RIPOR2: variants seen among roughly 807,000 people sequenced by gnomAD.
RIPOR2 encodes the protein RHO family interacting cell polarization regulator 2, also known as rho family-interacting cell polarization regulator 2.
RIPOR2 carries 39 observed loss-of-function variants against 114.5 expected under a neutral mutation model. That is an observed-to-expected ratio of 0.34 (90% CI 0.26 to 0.44). The LOEUF (loss-of-function observed/expected upper bound fraction) is 0.44. Ranked by LOEUF, RIPOR2 falls within the 20% of genes least tolerant of loss-of-function variation. The pLI, the probability that RIPOR2 is intolerant of heterozygous loss-of-function variation, is 1.00. For synonymous variants in RIPOR2, 445 were observed against 484.4 expected (o/e 0.92, Z 1.07); for missense variants, 1,007 against 1,255.1 (o/e 0.80, Z 2.99).
intron 1 of RIPOR2, among the ~76,000 whole-genome samples, chr6:24,994,863 C>T (rs1774980691): frequency 6.6e-6 from 1 of 152,210 alleles, no homozygotes; most frequent in African/African-American, 2.4e-5. Flanking sequence ...TTATCTCTGT[C>T]TCTCTCTTCC....
intron 18 of RIPOR2, among the ~76,000 whole-genome samples, chr6:24,826,768 A>C (rs1581502931): frequency 6.6e-6 from 1 of 152,332 alleles, no homozygotes; most frequent in Non-Finnish European, 1.5e-5. Flanking sequence ...CAAATAAAAA[A>C]CAGGATCAAT....
rs1327733473 is a variant in RIPOR2, at chr6:24,804,605, T to C, written c.*1768A>G. On this transcript the variant is annotated 3_prime_UTR_variant, in exon 22 of 22. Coordinates refer to ENST00000643898, the MANE Select transcript of RIPOR2 (RefSeq NM_001286445.3). ...GTGAAGGATGTATGAATATATATAA[T>C]ATTTATAAATATACAGATATGTACA... 1.3e-5 allele frequency: 2 copies of C among 152,106 alleles called. No individual in the cohort carries two copies. The highest frequency in any genetic ancestry group is 1.5e-5 in the Non-Finnish European group (1 of 68,030). The allele number at this position is 152,106 out of a possible 1,614,324, so 9.4% of individuals were successfully genotyped here. A position where few individuals can be genotyped will look rare whatever the true frequency, so the allele number is the denominator to read the frequency against.
At chr6:25,036,698 T>G (rs1404445207) in intron 1 of RIPOR2, among the ~76,000 whole-genome samples, 1 of 152,198 alleles carries the variant, frequency 6.6e-6, no homozygotes, top group African/African-American at 2.4e-5. Flanking sequence ...AGGCTAGAGT[T>G]CAACTTTTTA....
chr6:24,943,803 T>TC (rs1561796954), intron 1 of RIPOR2, among the ~76,000 whole-genome samples: 1 of 151,772 alleles, frequency 6.6e-6, no homozygotes, highest in African/African-American at 2.4e-5. Flanking sequence ...AAAGTCCCAT[T>TC]CCCCCCAAAG....
rs532360055 is a variant in RIPOR2, at chr6:24,840,163, C to A, written c.1858-891G>T. ...ACAGGGTCTCCCTATGTTGACCATA[C>A]CGGTCTTGAACTCTTGGGCTCCAGC... On this transcript the variant is annotated intron_variant, in intron 13 of 21. Coordinates refer to ENST00000643898, the MANE Select transcript of RIPOR2 (RefSeq NM_001286445.3). 404 of 878,118 alleles carry A rather than the reference C, an allele frequency of 4.6e-4. 1 individual carries two copies. Among genetic ancestry groups the A allele is most frequent in the Middle Eastern group, 4.0e-3 (7 of 1,732 alleles). The allele number at this position is 878,118 out of a possible 1,614,324, so 54.4% of individuals were successfully genotyped here. A position where few individuals can be genotyped will look rare whatever the true frequency, so the allele number is the denominator to read the frequency against.
intron 1 of RIPOR2, among the ~76,000 whole-genome samples, chr6:24,970,360 C>A (rs1019116998): frequency 2.0e-5 from 3 of 152,142 alleles, no homozygotes; most frequent in Non-Finnish European, 2.9e-5. Flanking sequence ...TTTAGGGAAA[C>A]TCAAAGAGGT....
intron 1 of RIPOR2, among the ~76,000 whole-genome samples, chr6:24,912,987 A>G (rs1769787250): frequency 6.6e-6 from 1 of 152,218 alleles, no homozygotes; most frequent in Admixed American, 6.5e-5. Flanking sequence ...ATGAACAAGT[A>G]ACTTCCTGAT....
rs780014769 is a variant in RIPOR2, at chr6:24,873,645, C to G, written c.343G>C (p.Asp115His). 9.3e-6 allele frequency: 15 copies of G among 1,611,720 alleles called. No individual in the cohort carries two copies. The African/African-American group carries it at 1.9e-4, about 20-fold the overall frequency. Reference sequence around the variant, plus strand: ...ACATTATCAGGTTCAAGTTCTTACTCAAGTCCATTTTTCAAGGCCCTGTAG... The same window carrying G: ...ACATTATCAGGTTCAAGTTCTTACTGAAGTCCATTTTTCAAGGCCCTGTAG... ...EVYRALKNGLDEYLEVHQTEL... is the reference protein window; with the variant it reads ...EVYRALKNGLHEYLEVHQTEL... Residue 115 changes from aspartate to histidine, a missense_variant and splice_region_variant, in exon 3 of 22, where the codon GAT becomes CAT. Transcript: ENST00000643898.
At chr6:24,861,057 G>A (rs1764023198) in intron 7 of RIPOR2, 21 bp from the exon 8 acceptor site, 5 of 1,574,812 alleles carry the variant, frequency 3.2e-6, no homozygotes, top group Non-Finnish European at 3.5e-6. Context: ...GACAGGAGAC[G>A]ATCATGAGAG....
At chr6:25,022,826 A>G (rs1266605046) in intron 1 of RIPOR2, among the ~76,000 whole-genome samples, 1 of 151,980 alleles carries the variant, frequency 6.6e-6, no homozygotes, top group South Asian at 2.1e-4. Flanking sequence ...GATTACAAAC[A>G]TGATGGTGCA....
At chr6:24,895,044 C>A (rs1767722418) in intron 1 of RIPOR2, among the ~76,000 whole-genome samples, 1 of 151,926 alleles carries the variant, frequency 6.6e-6, no homozygotes, top group Non-Finnish European at 1.5e-5. Flanking sequence ...ATTACCTGGG[C>A]AGTTTTTTTG....
chr6:24,826,965 T>C (rs1258196536), intron 18 of RIPOR2, among the ~76,000 whole-genome samples: 3 of 152,084 alleles, frequency 2.0e-5, no homozygotes, highest in African/African-American at 7.2e-5. Context: ...ACTTAAAATG[T>C]TAAAGGTTTT....
intron 18 of RIPOR2, among the ~76,000 whole-genome samples, 154 bp downstream of exon 18, chr6:24,827,983 G>A (rs944754383): frequency 6.6e-6 from 1 of 152,208 alleles, no homozygotes; most frequent in Non-Finnish European, 1.5e-5. Context: ...GCTCACTAAT[G>A]TTAAAAGTCC....
intron 8 of RIPOR2, among the ~76,000 whole-genome samples, chr6:24,856,013 A>T (rs1335258828): frequency 6.6e-6 from 1 of 152,210 alleles, no homozygotes; most frequent in Non-Finnish European, 1.5e-5. Flanking sequence ...ACAGAGCGAG[A>T]CCCTCGACTC....
intron 1 of RIPOR2, among the ~76,000 whole-genome samples, chr6:25,035,625 C>T (rs1051572168): frequency 6.6e-6 from 1 of 152,110 alleles, no homozygotes; most frequent in East Asian, 1.9e-4. Flanking sequence ...TACAAAATCC[C>T]AGAGTGGAGG....
chr6:25,030,689 C>T (rs1178766976), intron 1 of RIPOR2, among the ~76,000 whole-genome samples: 1 of 151,886 alleles, frequency 6.6e-6, no homozygotes, highest in Non-Finnish European at 1.5e-5. Flanking sequence ...TGCTGTTTTT[C>T]GTTGTTGTTG....
At chr6:24,893,307 A>G (rs1236851617) in intron 1 of RIPOR2, among the ~76,000 whole-genome samples, 1 of 152,238 alleles carries the variant, frequency 6.6e-6, no homozygotes, top group Non-Finnish European at 1.5e-5. Context: ...GACAATCCCA[A>G]ATAGCTTAAG....
chr6:24,915,240 G>A (rs1201785185), intron 1 of RIPOR2, among the ~76,000 whole-genome samples: 2 of 152,058 alleles, frequency 1.3e-5, no homozygotes, highest in African/African-American at 2.4e-5. Flanking sequence ...AATGCTGCCA[G>A]TTCTAAGAGT....
intron 1 of RIPOR2, among the ~76,000 whole-genome samples, chr6:24,949,894 A>T (rs187448491): frequency 6.6e-6 from 1 of 152,252 alleles, no homozygotes; most frequent in African/African-American, 2.4e-5. Flanking sequence ...ATGAAATTTC[A>T]TCCAAAGTTT....
Sources: gnomAD v4.1 joint callset for allele counts (sites outside exome capture counted in the v4.1 genomes callset) on GRCh38, gnomAD v4.1.1 for gene constraint, MANE v1.5 for transcripts, NCBI Gene and HGNC (gene_info 2026-07-23, HGNC 2026-07-21) for gene names.